ETNK2: variants seen among roughly 807,000 people sequenced by gnomAD.
ETNK2 encodes the protein ethanolamine kinase 2.
A neutral mutation model predicts 46.2 loss-of-function variants in ETNK2; 33 were observed. The observed-to-expected ratio is 0.71, with a 90% CI of 0.54 to 0.96. The LOEUF is 0.96. ETNK2 is among the 40% of genes least tolerant of loss of function. The pLI, the probability that ETNK2 is intolerant of heterozygous loss-of-function variation, is 0.00. For missense variants in ETNK2, 445 were observed against 509.7 expected (o/e 0.87, Z 1.22); for synonymous variants, 194 against 209.0 (o/e 0.93, Z 0.62).
At chr1:204,133,426 G>GT (rs1166979146) in intron 7 of ETNK2, among the ~76,000 whole-genome samples, 1 of 150,844 alleles carries the variant, frequency 6.6e-6, no homozygotes, top group Admixed American at 6.6e-5. Context: ...ATTATTTTCT[G>GT]TTTTTTAACA....
intron 3 of ETNK2, among the ~76,000 whole-genome samples, chr1:204,145,921 G>A (rs1045265556): frequency 4.6e-5 from 7 of 152,140 alleles, no homozygotes; most frequent in African/African-American, 9.7e-5. Flanking sequence ...GGAGTCAGGC[G>A]TCTAAAGGCT....
In ETNK2 at chr1:204,134,735, G is replaced by T. The variant is rs565527840; in HGVS notation, c.1015-147C>A. On this transcript the variant is annotated intron_variant, in intron 6 of 7. Coordinates refer to ENST00000367202, the MANE Select transcript of ETNK2 (RefSeq NM_018208.4). ...TGGGGTCTCCCTAGCACAAGCTGGGGAAATTCTGGAGGCCAAGTCACTGCA... is the reference window on the plus strand; with the variant it reads ...TGGGGTCTCCCTAGCACAAGCTGGGTAAATTCTGGAGGCCAAGTCACTGCA... 3.7e-5 allele frequency: 58 copies of T among 1,563,772 alleles called. No individual in the cohort carries two copies. The South Asian group carries it at 6.4e-4, about 17-fold the overall frequency.
chr1:204,151,966 C>G lies in ETNK2; in HGVS notation c.-114G>C. 2 of 1,102,690 alleles carry G rather than the reference C, an allele frequency of 1.8e-6. No individual in the cohort carries two copies. Among genetic ancestry groups the G allele is most frequent in the Non-Finnish European group, 2.3e-6 (2 of 860,210 alleles). 68.3% of individuals were successfully genotyped at this position (1,102,690 alleles called of 1,614,324 possible). On this transcript the variant is annotated 5_prime_UTR_variant, in exon 1 of 8. Coordinates refer to ENST00000367202, the MANE Select transcript of ETNK2 (RefSeq NM_018208.4). This position sits in a 1 kb window ranked among gnomAD's most constrained non-coding sequence, Gnocchi z 8.0. The stretch of plus-strand genomic sequence containing the variant: ...CCAGGGGAAGTCCATGACTCAGGCG[C>G]GAGCTGCCCGCTTCGATCGCCGGCT...
intron 3 of ETNK2, 151 bp downstream of exon 3, chr1:204,146,491 C>T (rs1657785799): frequency 6.7e-6 from 6 of 889,586 alleles, no homozygotes; most frequent in South Asian, 5.0e-5. Flanking sequence ...AGAGGCTTAC[C>T]GACTAGGACT....
At chr1:204,135,771 A>G (rs1253465698) in intron 6 of ETNK2, among the ~76,000 whole-genome samples, 1 of 152,224 alleles carries the variant, frequency 6.6e-6, no homozygotes, top group Admixed American at 6.5e-5. Context: ...AGTGAGGAAA[A>G]CAGAATAGGG....
intron 7 of ETNK2, among the ~76,000 whole-genome samples, 188 bp from the exon 8 acceptor site, chr1:204,132,444 T>C (rs1002468887): frequency 2.0e-5 from 3 of 152,194 alleles, no homozygotes; most frequent in African/African-American, 7.2e-5. Context: ...TTAATATTTA[T>C]TTATTTTGAG....
chr1:204,134,764 C>A (rs1423058931), intron 6 of ETNK2, 176 bp from the exon 7 acceptor site: 1 of 1,419,448 alleles, frequency 7.0e-7, no homozygotes, highest in Non-Finnish European at 9.7e-7. Context: ...CACTGCACAG[C>A]ATTTGGCGCC....
Position 204,151,270 on chromosome 1 carries a change from A to G in ETNK2, c.258+325T>C. ...CCTCAGGTTTCAGAGCTGGCTGGGT[A>G]CGCGCTTCTGGTCAGCGAGGGGCAC... is the stretch of plus-strand genomic sequence containing the variant. On this transcript the variant is annotated intron_variant, in intron 1 of 7. Transcript: ENST00000367202. The surrounding 1 kb of genome is among the most constrained non-coding windows in gnomAD (Gnocchi z 8.0). The G allele has an allele frequency of 2.2e-6, 1 of 464,874 alleles. No homozygotes were observed. Among genetic ancestry groups the G allele is most frequent in the Non-Finnish European group, 3.8e-6 (1 of 262,100 alleles). The allele number at this position is 464,874 out of a possible 1,614,324, so 28.8% of individuals were successfully genotyped here.
chr1:204,141,288 G>A lies in ETNK2; in HGVS notation c.784+27C>T, dbSNP rs1005260658. 9.3e-6 allele frequency: 15 copies of A among 1,613,842 alleles called. No individual in the cohort carries two copies. In the African/African-American group the frequency reaches 2.0e-4, roughly 22 times the overall value. On this transcript the variant is annotated intron_variant, in intron 4 of 7. Coordinates refer to ENST00000367202, the MANE Select transcript of ETNK2 (RefSeq NM_018208.4). ...CTAACCAACCAACCAAAACCCTGCTGCTGCCCCAGGGCCAGAGAAGCCATA... is the reference window on the plus strand; with the variant it reads ...CTAACCAACCAACCAAAACCCTGCTACTGCCCCAGGGCCAGAGAAGCCATA...
chr1:204,145,850 G>C (rs934306198), intron 3 of ETNK2, among the ~76,000 whole-genome samples: 3 of 152,164 alleles, frequency 2.0e-5, no homozygotes, highest in Non-Finnish European at 4.4e-5. Context: ...GAGGAGGGAA[G>C]GCAAGACACC....
intron 7 of ETNK2, among the ~76,000 whole-genome samples, chr1:204,134,295 C>T (rs141430504): frequency 4.1e-4 from 62 of 152,286 alleles, no homozygotes; most frequent in African/African-American, 1.3e-3. Flanking sequence ...ACACCTCCTA[C>T]GAGGAACAGG....
At chr1:204,142,451 T>A (rs748757367) in intron 3 of ETNK2, among the ~76,000 whole-genome samples, 1 of 152,098 alleles carries the variant, frequency 6.6e-6, no homozygotes, top group Non-Finnish European at 1.5e-5. Flanking sequence ...TCAGAGGCCA[T>A]GTGGAAGTCT....
In ETNK2 at chr1:204,145,564, G is replaced by A. The variant is rs115003228; in HGVS notation, c.641+1078C>T. Among the ~76,000 whole-genome samples the A allele has an allele frequency of 9.6e-3, 1,456 of 152,380 alleles. 24 individuals are homozygous for A. The highest frequency in any genetic ancestry group is 0.032 in the African/African-American group (1,318 of 41,594). Reference sequence around the variant, plus strand: ...TACAAGGTCTGAACATGGTCAAAGAGAGGGCAGGCCTGGGCCACCTTGGAC... The same window carrying A: ...TACAAGGTCTGAACATGGTCAAAGAAAGGGCAGGCCTGGGCCACCTTGGAC... On this transcript the variant is annotated intron_variant, in intron 3 of 7. Coordinates refer to ENST00000367202, the MANE Select transcript of ETNK2 (RefSeq NM_018208.4).
At chr1:204,147,436 G>A in intron 2 of ETNK2, 1 of 533,380 alleles carries the variant, frequency 1.9e-6, no homozygotes, top group South Asian at 1.4e-5. Context: ...GCTGGGAGAA[G>A]GTGGGGGTGA....
chr1:204,145,455 GA>G (rs1245528985), intron 3 of ETNK2, among the ~76,000 whole-genome samples: 1 of 152,240 alleles, frequency 6.6e-6, no homozygotes, highest in Non-Finnish European at 1.5e-5. Flanking sequence ...GCTGTGGGCT[GA>G]AAGGTTGGAA....
Position 204,149,887 on chromosome 1 carries a change from G to A in ETNK2, c.334C>T (p.Arg112Trp), listed in dbSNP as rs1300744806. 5 of 1,585,954 alleles carry A rather than the reference G, an allele frequency of 3.2e-6. No homozygotes were observed. The highest frequency in any genetic ancestry group is 2.3e-5 in the East Asian group (1 of 43,178). Residue 112 changes from arginine to tryptophan, a missense_variant, in exon 2 of 8, where the codon CGG becomes TGG. Physicochemically the swap from Arg to Trp is moderately radical, Grantham distance 101. Coordinates refer to ENST00000367202, the MANE Select transcript of ETNK2 (RefSeq NM_018208.4). ...EEDMQDCVLV[R>W]VYGERTELLV... is the part of the protein sequence containing the mutation. ...AGCTCCGTCCGCTCCCCATACACCC[G>A]GACCAGCACGCAGTCCTGCATGTCC...
Position 204,131,106 on chromosome 1 carries a change from T to C in ETNK2, c.*1078A>G, listed in dbSNP as rs900736319. On this transcript the variant is annotated 3_prime_UTR_variant, in exon 8 of 8. Coordinates refer to ENST00000367202, the MANE Select transcript of ETNK2 (RefSeq NM_018208.4). This position sits in a 1 kb window ranked among gnomAD's most constrained non-coding sequence, Gnocchi z 4.3. ...ATGCAGAAAGAAAACCATGATAATT[T>C]ACAAATGAATCACTTTCTGGGCCAG... 6.5e-6 allele frequency: 1 copy of C among 152,682 alleles called. No homozygotes were observed. The highest frequency in any genetic ancestry group is 1.5e-5 in the Non-Finnish European group (1 of 68,062). The allele number at this position is 152,682 out of a possible 1,614,324, so 9.5% of individuals were successfully genotyped here. A position where few individuals can be genotyped will look rare whatever the true frequency, so the allele number is the denominator to read the frequency against.
intron 3 of ETNK2, chr1:204,142,503 C>T (rs1180854913): frequency 6.6e-6 from 1 of 152,204 alleles, no homozygotes; most frequent in African/African-American, 2.4e-5. Context: ...ACTTTGGTCC[C>T]CAGGAGGCAC....
chr1:204,144,349 A>C (rs1221879516), intron 3 of ETNK2, among the ~76,000 whole-genome samples: 67 of 145,952 alleles, frequency 4.6e-4, no homozygotes, highest in African/African-American at 1.6e-3. Context: ...CCATCTCAAA[A>C]AAAAAAAAAA....
Sources: gnomAD v4.1 joint callset for allele counts (sites outside exome capture counted in the v4.1 genomes callset) on GRCh38, gnomAD v4.1.1 for gene constraint, Gnocchi (gnomAD v3.1) non-coding constraint, MANE v1.5 for transcripts, NCBI Gene and HGNC (gene_info 2026-07-23, HGNC 2026-07-21) for gene names.